CSMD1: variants seen among roughly 807,000 people sequenced by gnomAD.
The protein encoded by CSMD1 is CUB and Sushi multiple domains 1.
CSMD1 carries 213 observed loss-of-function variants against 417.5 expected under a neutral mutation model. The observed-to-expected ratio is 0.51, with a 90% CI of 0.46 to 0.57. CSMD1 has a LOEUF of 0.57. Ranked by LOEUF, CSMD1 falls within the 20% of genes least tolerant of loss-of-function variation. The pLI, the probability that CSMD1 is intolerant of heterozygous loss-of-function variation, is 0.00. For synonymous variants in CSMD1, 2,862 were observed against 1,736.8 expected (o/e 1.65, Z -16.11); for missense variants, 6,923 against 4,529.7 (o/e 1.53, Z -15.17).
intron 2 of CSMD1, among the ~76,000 whole-genome samples, chr8:4,467,629 T>C (rs1800264020): frequency 6.6e-6 from 1 of 152,242 alleles, no homozygotes; most frequent in African/African-American, 2.4e-5. Context: ...TTTTCAGTTT[T>C]CTGAAATATC....
rs1817236015 is a variant in CSMD1 at position 3,473,629 on chromosome 8, T to G, written c.1449-4805A>C. Among the ~76,000 whole-genome samples the G allele has an allele frequency of 4.6e-5, 7 of 152,258 alleles. No homozygotes were observed. The South Asian group carries it at 1.5e-3, about 32-fold the overall frequency. On this transcript the variant is annotated intron_variant, in intron 11 of 69. Transcript: ENST00000635120. ...TTTCAAAATAATAATACCTGAAAAA[T>G]AAAATAGATACTGGCTTTGATTAAA...
chr8:3,642,096 C>T (rs1229344059), intron 7 of CSMD1, among the ~76,000 whole-genome samples: 8 of 152,056 alleles, frequency 5.3e-5, no homozygotes, highest in Non-Finnish European at 1.0e-4. Context: ...ACAGCAGATA[C>T]AGCCTACAGC....
At chr8:4,519,165 C>G (rs62479740) in intron 2 of CSMD1, among the ~76,000 whole-genome samples, 1 of 151,986 alleles carries the variant, frequency 6.6e-6, no homozygotes, top group Non-Finnish European at 1.5e-5. Flanking sequence ...AATTATTTAC[C>G]TCTTGCAGTC....
At chr8:4,742,273 A>G (rs1585028763) in intron 1 of CSMD1, among the ~76,000 whole-genome samples, 1 of 149,648 alleles carries the variant, frequency 6.7e-6, no homozygotes, top group Non-Finnish European at 1.5e-5. Context: ...CTCATGATCC[A>G]CCCGCCTCGG....
In CSMD1 at chr8:4,691,793, C is replaced by A. The variant is rs1324143394; in HGVS notation, c.86-54235G>T. ...GAATGCTAAATTTTAACCTTTAAATCATTGTTCAAATCTAACCACAGCAGA... is the reference window on the plus strand; with the variant it reads ...GAATGCTAAATTTTAACCTTTAAATAATTGTTCAAATCTAACCACAGCAGA... On this transcript the variant is annotated intron_variant, in intron 1 of 69. Coordinates refer to ENST00000635120, the MANE Select transcript of CSMD1 (RefSeq NM_033225.6). Among the ~76,000 whole-genome samples the A allele has an allele frequency of 3.9e-5, 6 of 152,230 alleles. No homozygotes were observed. In the East Asian group the frequency reaches 1.2e-3, roughly 29 times the overall value.
At chr8:3,989,064 T>C (rs1001138253) in intron 5 of CSMD1, among the ~76,000 whole-genome samples, 1 of 152,214 alleles carries the variant, frequency 6.6e-6, no homozygotes, top group African/African-American at 2.4e-5. Flanking sequence ...AGGGCAGAAA[T>C]CTGAACTCTC....
chr8:3,506,717 G>A (rs1585271230), intron 10 of CSMD1, among the ~76,000 whole-genome samples: 1 of 152,180 alleles, frequency 6.6e-6, no homozygotes, highest in East Asian at 1.9e-4. Context: ...AAGAAAGGAG[G>A]CAATGATTGA....
intron 12 of CSMD1, among the ~76,000 whole-genome samples, chr8:3,441,116 G>A (rs1197561893): frequency 6.6e-6 from 1 of 152,130 alleles, no homozygotes; most frequent in Non-Finnish European, 1.5e-5. Context: ...AGAGGTAGGA[G>A]TTCCAGCGGT....
intron 5 of CSMD1, among the ~76,000 whole-genome samples, chr8:3,940,715 A>G (rs1397099075): frequency 1.3e-5 from 2 of 151,924 alleles, no homozygotes; most frequent in Non-Finnish European, 2.9e-5. Context: ...TACAAATTTC[A>G]TACTAGCATT....
At chr8:4,575,901 G>C (rs1470862583) in intron 2 of CSMD1, among the ~76,000 whole-genome samples, 1 of 152,120 alleles carries the variant, frequency 6.6e-6, no homozygotes, top group African/African-American at 2.4e-5. Flanking sequence ...TGTTACAGCT[G>C]TTGTGATCGT....
intron 3 of CSMD1, among the ~76,000 whole-genome samples, chr8:4,417,611 T>C (rs1243900352): frequency 6.6e-6 from 1 of 152,070 alleles, no homozygotes; most frequent in Non-Finnish European, 1.5e-5. Context: ...CAGTATTTTA[T>C]TCTATTATTT....
At chr8:3,208,047 C>T (rs1467700887) in intron 30 of CSMD1, among the ~76,000 whole-genome samples, 1 of 152,052 alleles carries the variant, frequency 6.6e-6, no homozygotes, top group Non-Finnish European at 1.5e-5. Context: ...TTTCCTTTTC[C>T]TCAAAAGCTT....
intron 1 of CSMD1, among the ~76,000 whole-genome samples, chr8:4,647,913 T>A (rs1803640685): frequency 6.6e-6 from 1 of 152,228 alleles, no homozygotes; most frequent in African/African-American, 2.4e-5. Flanking sequence ...ACGATTTATA[T>A]TCCTTTGGGT....
At chr8:4,287,316 C>T (rs577358160) in intron 3 of CSMD1, among the ~76,000 whole-genome samples, 1 of 152,148 alleles carries the variant, frequency 6.6e-6, no homozygotes, top group Admixed American at 6.6e-5. Context: ...ATAAATCAAG[C>T]ACATCTGGAG....
chr8:4,676,120 C>T (rs774292779), intron 1 of CSMD1, among the ~76,000 whole-genome samples: 2 of 152,138 alleles, frequency 1.3e-5, no homozygotes, highest in Non-Finnish European at 2.9e-5. Context: ...CACAATTCTG[C>T]TATGCATAAG....
intron 53 of CSMD1, 87 bp downstream of exon 53, chr8:2,999,871 T>A (rs1376497341): frequency 1.7e-6 from 2 of 1,148,748 alleles, no homozygotes; most frequent in African/African-American, 1.6e-5. Flanking sequence ...CAGTGAAGAT[T>A]AAACAGGTGT....
chr8:4,719,877 G>A (rs1477855449), intron 1 of CSMD1, among the ~76,000 whole-genome samples: 2 of 152,004 alleles, frequency 1.3e-5, no homozygotes, highest in East Asian at 1.9e-4. Context: ...GACTCCCTAT[G>A]CAGGGCTCAC....
intron 1 of CSMD1, among the ~76,000 whole-genome samples, chr8:4,820,236 C>T (rs561414840): frequency 2.0e-5 from 3 of 152,214 alleles, no homozygotes; most frequent in South Asian, 4.1e-4. Context: ...TGAATTGTAG[C>T]GGTGACCCGA....
intron 1 of CSMD1, among the ~76,000 whole-genome samples, chr8:4,969,760 T>C (rs1037023480): frequency 3.3e-5 from 5 of 152,106 alleles, no homozygotes; most frequent in African/African-American, 1.2e-4. Flanking sequence ...TTTGATTTCC[T>C]GAGAAGACAA....
Sources: allele counts gnomAD v4.1 joint callset (sites outside exome capture counted in the v4.1 genomes callset), GRCh38; gene constraint gnomAD v4.1.1; transcripts MANE v1.5; gene names NCBI Gene and HGNC (gene_info 2026-07-23, HGNC 2026-07-21).